DYSF: variants seen among roughly 807,000 people sequenced by gnomAD.
DYSF encodes the protein dystrophy-associated fer-1-like 1.
DYSF carries 212 observed loss-of-function variants against 274.9 expected under a neutral mutation model. The observed-to-expected ratio is 0.77, with a 90% CI of 0.69 to 0.86. DYSF has a LOEUF of 0.86. Ranked by LOEUF, DYSF falls within the 40% of genes least tolerant of loss-of-function variation. The pLI, the probability that DYSF is intolerant of heterozygous loss-of-function variation, is 0.00. For synonymous variants in DYSF, 1,091 were observed against 1,078.7 expected, an observed-to-expected ratio of 1.01 and a Z score of -0.22; for missense variants, 2,666 against 2,783.2, an observed-to-expected ratio of 0.96 and a Z score of 0.95.
intron 1 of DYSF, among the ~76,000 whole-genome samples, chr2:71,472,502 G>T (rs6755293): frequency 0.26 from 39,110 of 152,056 alleles, 5,660 homozygotes; most frequent in Non-Finnish European, 0.32. Flanking sequence ...TGCCTCCCGG[G>T]TTCACGCCAT....
At chr2:71,617,779 G>GGTGTGTGTGTGGTAGAGGTGGGGTATAT (rs1558635236) in intron 40 of DYSF, among the ~76,000 whole-genome samples, 1 of 106,658 alleles carries the variant, frequency 9.4e-6, no homozygotes, top group Non-Finnish European at 2.1e-5. Context: ...TGGTAGAGGT[G>GGTGTGTGTGTGGTAGAGGTGGGGTATAT]GTGTGTGTGT....
intron 22 of DYSF, among the ~76,000 whole-genome samples, chr2:71,561,035 C>T (rs2091716794): frequency 6.6e-6 from 1 of 152,126 alleles, no homozygotes; most frequent in Non-Finnish European, 1.5e-5. Context: ...ACTTTCAGGG[C>T]GCCTCCGTGG....
chr2:71,681,416 A>G (rs1365730571), intron 54 of DYSF, among the ~76,000 whole-genome samples: 1 of 152,174 alleles, frequency 6.6e-6, no homozygotes, highest in African/African-American at 2.4e-5. Flanking sequence ...AGTTGTTATT[A>G]TCCCCATTTT....
chr2:71,510,620 C>T (rs2085994609), intron 4 of DYSF, among the ~76,000 whole-genome samples: 1 of 152,166 alleles, frequency 6.6e-6, no homozygotes, highest in East Asian at 1.9e-4. Context: ...AGCTCAAGAG[C>T]TGAGTATGTC....
At chr2:71,659,631 A>G (rs188598157) in intron 44 of DYSF, among the ~76,000 whole-genome samples, 36 of 152,366 alleles carry the variant, frequency 2.4e-4, no homozygotes, top group African/African-American at 7.9e-4. Context: ...TCATTAAAGT[A>G]CTGTTTATCT....
rs766433603 is a variant in DYSF, at chr2:71,526,351, G to C, written c.1276+5G>C. ...GGGCCGAGGACTTGCCGCAGAGTGC[G>C]TGGGGCGCGCCCTTGGGTGGGAGGT... On this transcript the variant is annotated splice_donor_5th_base_variant and intron_variant, in intron 13 of 55. Coordinates refer to ENST00000410020, the MANE Select transcript of DYSF (RefSeq NM_001130987.2). 1.9e-6 allele frequency: 3 copies of C among 1,613,166 alleles called. No homozygotes were observed. In the Admixed American group the frequency reaches 5.0e-5, roughly 27 times the overall value.
At position 71,591,719 on chromosome 2, in the gene DYSF, C is replaced by T. The variant is rs2093271247; in HGVS notation, c.3574+1431C>T. 2.0e-5 allele frequency among the ~76,000 whole-genome samples: 3 copies of T among 152,228 alleles called. No homozygotes were observed. In the East Asian group the frequency reaches 5.8e-4, roughly 29 times the overall value. ...AGTTCCATGGGAGTGACTTCCTGGT[C>T]ACAGCAGGGCTCTGCAGCTGATGGC... is the stretch of plus-strand genomic sequence containing the variant. On this transcript the variant is annotated intron_variant, in intron 32 of 55. Coordinates refer to ENST00000410020, the MANE Select transcript of DYSF (RefSeq NM_001130987.2).
chr2:71,486,095 G>A (rs1297250310), intron 3 of DYSF, among the ~76,000 whole-genome samples: 1 of 152,094 alleles, frequency 6.6e-6, no homozygotes, highest in African/African-American at 2.4e-5. Context: ...CTGTCCTCAG[G>A]CCTCTCCAGT....
rs1190040711 is a variant in DYSF, at chr2:71,591,374, A to C, written c.3574+1086A>C. Among the ~76,000 whole-genome samples, 15 of 152,296 alleles carry C rather than the reference A, an allele frequency of 9.8e-5. No individual in the cohort carries two copies. The East Asian group carries it at 2.9e-3, about 29-fold the overall frequency. ...AGATCAACAGTGGTCTATCTCTGCC[A>C]TCTCCTTCCTGCTCTGACCATGAGC... On this transcript the variant is annotated intron_variant, in intron 32 of 55. Transcript: ENST00000410020.
chr2:71,571,313 G>GCACACCCAGCACACGCACAGCT (rs1574070733), intron 29 of DYSF, among the ~76,000 whole-genome samples: 1 of 130,098 alleles, frequency 7.7e-6, no homozygotes, highest in Non-Finnish European at 1.6e-5. Flanking sequence ...ATTACACCTA[G>GCACACCCAGCACACGCACAGCT]CACACCCAGC....
At chr2:71,666,208 T>G (rs1244550253) in intron 47 of DYSF, among the ~76,000 whole-genome samples, 2 of 152,168 alleles carry the variant, frequency 1.3e-5, no homozygotes, top group African/African-American at 2.4e-5. Context: ...GTGAGCAACT[T>G]TAGCACAGGG....
chr2:71,464,425 T>C (rs1435053026), upstream of DYSF, among the ~76,000 whole-genome samples: 1 of 151,998 alleles, frequency 6.6e-6, no homozygotes, highest in African/African-American at 2.4e-5. Flanking sequence ...GAAAGGGAGA[T>C]GAAAGAGGGA....
intron 16 of DYSF, among the ~76,000 whole-genome samples, chr2:71,537,217 A>ATT (rs1553536506): frequency 3.3e-5 from 3 of 89,930 alleles, no homozygotes; most frequent in Admixed American, 1.4e-4. Context: ...TTTACTTTCT[A>ATT]GTTTTGTTTT....
chr2:71,650,919 C>T (rs889330562), intron 42 of DYSF, among the ~76,000 whole-genome samples: 3 of 151,644 alleles, frequency 2.0e-5, no homozygotes, highest in African/African-American at 7.3e-5. Flanking sequence ...ATGTTAATTA[C>T]AAAAAAGAAA....
intron 41 of DYSF, among the ~76,000 whole-genome samples, chr2:71,635,564 A>T (rs924973621): frequency 6.6e-6 from 1 of 152,110 alleles, no homozygotes; most frequent in Non-Finnish European, 1.5e-5. Flanking sequence ...CCTGGCCAAC[A>T]TGGTGAAACC....
At chr2:71,537,965 T>C (rs888623565) in intron 16 of DYSF, among the ~76,000 whole-genome samples, 12 of 152,216 alleles carry the variant, frequency 7.9e-5, no homozygotes, top group Non-Finnish European at 7.3e-5. Context: ...GGGGCTGGAA[T>C]ATTCTTTGCT....
chr2:71,514,051 A>G (rs1478846780), intron 7 of DYSF, 130 bp downstream of exon 7: 1 of 1,080,902 alleles, frequency 9.3e-7, no homozygotes, highest in Non-Finnish European at 1.4e-6. Context: ...CTGTGGGGGA[A>G]TCTGTAGTTT....
At chr2:71,645,031 C>T (rs907881953) in intron 42 of DYSF, among the ~76,000 whole-genome samples, 1 of 152,138 alleles carries the variant, frequency 6.6e-6, no homozygotes, top group African/African-American at 2.4e-5. Context: ...TTGTGGGGCT[C>T]CAACCCCACA....
intron 52 of DYSF, among the ~76,000 whole-genome samples, chr2:71,678,308 C>G (rs994050383): frequency 6.6e-6 from 1 of 151,970 alleles, no homozygotes; most frequent in Non-Finnish European, 1.5e-5. Flanking sequence ...CATGTTCAAC[C>G]CGTATATGCC....
Sources: allele counts gnomAD v4.1 joint callset (sites outside exome capture counted in the v4.1 genomes callset), GRCh38; gene constraint gnomAD v4.1.1; transcripts MANE v1.5; gene names NCBI Gene and HGNC (gene_info 2026-07-23, HGNC 2026-07-21).